Variants in CD28 observed in about 807,000 individuals in gnomAD.
The protein encoded by CD28 is T-cell-specific surface glycoprotein CD28.
CD28 carries 8 observed loss-of-function variants against 21.4 expected under a neutral mutation model. That is an observed-to-expected ratio of 0.37 (90% CI 0.22 to 0.68). The LOEUF (loss-of-function observed/expected upper bound fraction) is 0.68. Ranked by LOEUF, CD28 falls within the 30% of genes least tolerant of loss-of-function variation. The pLI is 0.55. For missense variants in CD28, 239 were observed against 272.2 expected (o/e 0.88, Z 0.86); for synonymous variants, 106 against 104.0 (o/e 1.02, Z -0.12).
chr2:203,724,852 G>A (rs1486530960), intron 1 of CD28, among the ~76,000 whole-genome samples: 1 of 152,026 alleles, frequency 6.6e-6, no homozygotes, highest in African/African-American at 2.4e-5. Flanking sequence ...CTTCAGTGTG[G>A]GTATACGGGA....
At chr2:203,711,748 T>G (rs982494097) in intron 1 of CD28, among the ~76,000 whole-genome samples, 1 of 152,216 alleles carries the variant, frequency 6.6e-6, no homozygotes, top group Admixed American at 6.5e-5. Context: ...AGACTTTTCG[T>G]GAAAGATCCA....
Position 203,734,838 on chromosome 2 carries a change from C to T in CD28, c.589C>T (p.Arg197Cys), listed in dbSNP as rs1023502670. ...LHSDYMNMTP[R>C]RPGPTRKHYQ... ...CAGTGACTACATGAACATGACTCCC[C>T]GCCGCCCCGGGCCCACCCGCAAGCA... Residue 197 changes from arginine (R) to cysteine (C), a missense_variant, in exon 4 of 4, where the codon CGC becomes TGC. Physicochemically the swap from Arg to Cys is radical, Grantham distance 180. Around this residue, in one of 3 missense-constraint regions of CD28, gnomAD observed 112 missense variants for 112.8 expected, o/e 0.99. Coordinates refer to ENST00000324106, the MANE Select transcript of CD28 (RefSeq NM_006139.4). 12 of 1,614,176 alleles carry T rather than the reference C, an allele frequency of 7.4e-6. No homozygotes were observed. The highest frequency in any genetic ancestry group is 1.0e-5 in the Non-Finnish European group (12 of 1,180,022).
chr2:203,719,722 T>A (rs1431294438), intron 1 of CD28, among the ~76,000 whole-genome samples: 1 of 152,200 alleles, frequency 6.6e-6, no homozygotes, highest in African/African-American at 2.4e-5. Context: ...AGAGTTCAGA[T>A]GAGATAAGAG....
intron 2 of CD28, among the ~76,000 whole-genome samples, chr2:203,727,894 G>T (rs192488177): frequency 6.6e-6 from 1 of 152,258 alleles, no homozygotes; most frequent in Admixed American, 6.5e-5. Context: ...AGCCAGGATG[G>T]TCTCGATTTC....
intron 3 of CD28, among the ~76,000 whole-genome samples, chr2:203,730,319 A>G (rs531111964): frequency 1.3e-5 from 2 of 152,362 alleles, no homozygotes; most frequent in South Asian, 2.1e-4. Context: ...TTATGAAACT[A>G]TAATGGGAGT....
chr2:203,729,525 T>C, intron 2 of CD28, 123 bp from the exon 3 acceptor site: 1 of 1,037,718 alleles, frequency 9.6e-7, no homozygotes, highest in Non-Finnish European at 1.4e-6. Context: ...ATCTATTCAC[T>C]CTAAGCTGGT....
upstream of CD28, chr2:203,706,504 T>C (rs749833078): frequency 2.0e-6 from 3 of 1,520,654 alleles, no homozygotes; most frequent in East Asian, 7.3e-5. Flanking sequence ...TTATATCCTG[T>C]GTGAAATGCT....
chr2:203,729,861 T>G, intron 3 of CD28, 89 bp downstream of exon 3: 2 of 1,340,438 alleles, frequency 1.5e-6, no homozygotes, highest in Non-Finnish European at 2.1e-6. Flanking sequence ...TGGTTTATTT[T>G]CTGTTTAATA....
Position 203,735,480 on chromosome 2 carries a change from A to G in CD28, c.*568A>G, listed in dbSNP as rs1694007276. The G allele has an allele frequency of 6.5e-6, 1 of 152,906 alleles. No homozygotes were observed. The highest frequency in any genetic ancestry group is 2.1e-4 in the South Asian group (1 of 4,822). 9.5% of individuals were successfully genotyped at this position (152,906 alleles called of 1,614,324 possible). On this transcript the variant is annotated 3_prime_UTR_variant, in exon 4 of 4. Coordinates refer to ENST00000324106, the MANE Select transcript of CD28 (RefSeq NM_006139.4). The stretch of plus-strand genomic sequence containing the variant: ...TTAATGCTGTTTTCCTTTAGTTTAG[A>G]AATACATAGACATTGTCTTTTATGA...
intron 1 of CD28, among the ~76,000 whole-genome samples, chr2:203,722,568 A>G (rs980803582): frequency 1.3e-5 from 2 of 152,248 alleles, no homozygotes; most frequent in Non-Finnish European, 2.9e-5. Context: ...ATGAGAGTCT[A>G]TTAGTCATAC....
At chr2:203,720,917 T>C (rs1263387860) in intron 1 of CD28, among the ~76,000 whole-genome samples, 2 of 152,232 alleles carry the variant, frequency 1.3e-5, no homozygotes, top group South Asian at 2.1e-4. Context: ...ATTTCTCTCA[T>C]TTACTGTCTT....
chr2:203,711,424 G>A (rs1283296140), intron 1 of CD28, among the ~76,000 whole-genome samples: 1 of 152,194 alleles, frequency 6.6e-6, no homozygotes, highest in Non-Finnish European at 1.5e-5. Context: ...GTGTCACCAT[G>A]CAGGTTATAT....
chr2:203,732,529 TGAA>T (rs1443631557), intron 3 of CD28, among the ~76,000 whole-genome samples: 4 of 152,234 alleles, frequency 2.6e-5, no homozygotes, highest in African/African-American at 9.7e-5. Context: ...AGTAGATTCT[TGAA>T]GACCACGTAC....
chr2:203,722,798 A>G (rs953091151), intron 1 of CD28, among the ~76,000 whole-genome samples: 6 of 152,228 alleles, frequency 3.9e-5, no homozygotes, highest in African/African-American at 1.4e-4. Context: ...GAGTTAGTAG[A>G]CAAGGCATGG....
chr2:203,706,551 A>C, upstream of CD28: 1 of 1,567,490 alleles, frequency 6.4e-7, no homozygotes, highest in Admixed American at 1.9e-5. Context: ...TGCCTTGATC[A>C]TGTGCCCTAA....
At chr2:203,723,746 T>C (rs1006893584) in intron 1 of CD28, among the ~76,000 whole-genome samples, 2 of 152,182 alleles carry the variant, frequency 1.3e-5, no homozygotes, top group Admixed American at 6.5e-5. Context: ...CAATAACAAG[T>C]GTCGGCAAGG....
chr2:203,735,518 T>A lies in CD28; in HGVS notation c.*606T>A, dbSNP rs201084969. 1 of 152,772 alleles carries A rather than the reference T, an allele frequency of 6.5e-6. No individual in the cohort carries two copies. Among genetic ancestry groups the A allele is most frequent in the African/African-American group, 2.4e-5 (1 of 41,436 alleles). 9.5% of individuals were successfully genotyped at this position (152,772 alleles called of 1,614,324 possible). ...TTGTCTTTTATGAATTCTGATCATA[T>A]TTAGTCATTTTGACCAAATGAGGGA... On this transcript the variant is annotated 3_prime_UTR_variant, in exon 4 of 4. Coordinates refer to ENST00000324106, the MANE Select transcript of CD28 (RefSeq NM_006139.4).
intron 1 of CD28, among the ~76,000 whole-genome samples, chr2:203,710,594 T>C (rs1693286452): frequency 6.6e-6 from 1 of 152,234 alleles, no homozygotes; most frequent in Admixed American, 6.5e-5. Flanking sequence ...ATGATTACCA[T>C]TTGGCTTTTA....
chr2:203,711,144 A>G (rs1693300310), intron 1 of CD28, among the ~76,000 whole-genome samples: 1 of 152,228 alleles, frequency 6.6e-6, no homozygotes, highest in Admixed American at 6.5e-5. Context: ...AACCAAGACA[A>G]TTCACTCAGA....
Sources: gnomAD v4.1 joint callset for allele counts (sites outside exome capture counted in the v4.1 genomes callset) on GRCh38, gnomAD v4.1.1 for gene constraint, gnomAD v4.1.1 regional missense constraint, MANE v1.5 for transcripts, NCBI Gene and HGNC (gene_info 2026-07-23, HGNC 2026-07-21) for gene names.